The following SLC66A2 variants were observed in gnomAD, a reference collection of about 807,000 sequenced individuals.
SLC66A2 encodes the protein solute carrier family 66 member 2, also known as PQ loop repeat containing 1.
A neutral mutation model predicts 25.5 loss-of-function variants in SLC66A2; 23 were observed. The ratio of observed to expected loss-of-function variants is 0.90; its 90% CI spans 0.65 to 1.28. SLC66A2 has a LOEUF of 1.28. SLC66A2 is among the 50% of genes most tolerant of loss of function. The probability of loss-of-function intolerance (pLI) is 0.00; values close to 1 mark genes in which losing one functional copy is unlikely to be tolerated. For synonymous variants in SLC66A2, 193 were observed against 166.5 expected (o/e 1.16, Z -1.23); for missense variants, 396 against 373.1 (o/e 1.06, Z -0.51).
At chr18:79,943,225 A>G in intron 3 of SLC66A2, 104 bp downstream of exon 3, 3 of 1,410,166 alleles carry the variant, frequency 2.1e-6, no homozygotes, top group Non-Finnish European at 2.9e-6. Context: ...ACTTGGTGAA[A>G]TGAAAGCTGC....
chr18:79,950,823 G>C lies in SLC66A2; in HGVS notation c.104C>G (p.Pro35Arg), dbSNP rs114092865. The stretch of plus-strand genomic sequence containing the variant: ...CGTCCTGCGAATGTCCCGATACTGC[G>C]GGACGTAGGGCACCACCCCTCCGAA... ...MVFGGVVPYV[P>R]QYRDIRRTQN... is the part of the protein sequence containing the mutation. Residue 35 changes from proline to arginine, a missense_variant, in exon 2 of 6, where the codon CCG becomes CGG. Coordinates refer to ENST00000397778, the MANE Select transcript of SLC66A2 (RefSeq NM_025078.5). 3.7e-6 allele frequency: 6 copies of C among 1,612,740 alleles called. No individual in the cohort carries two copies. In the South Asian group the frequency reaches 4.4e-5, roughly 12 times the overall value.
At position 79,904,007 on chromosome 18, in the gene SLC66A2, G is replaced by C; in HGVS notation, c.785C>G (p.Ala262Gly). 3.7e-6 allele frequency: 6 copies of C among 1,605,606 alleles called. No individual in the cohort carries two copies. Among genetic ancestry groups the C allele is most frequent in the Non-Finnish European group, 5.1e-6 (6 of 1,177,112 alleles). ...ARHPQKPAPH[A>G]VHPTGTKAL ...GGCCTTGGTGCCAGTGGGGTGCACG[G>C]CGTGGGGCGCCGGCTTCTGGGGGTG... The change falls in exon 6 of 6, where the codon GCC becomes GGC. Residue 262 changes from alanine (A) to glycine (G), a missense_variant. Ala to Gly is a moderately conservative substitution (Grantham distance 60, BLOSUM62 0). Coordinates refer to ENST00000397778, the MANE Select transcript of SLC66A2 (RefSeq NM_025078.5). This position sits in a 1 kb window ranked among gnomAD's most constrained non-coding sequence, Gnocchi z 6.3.
chr18:79,925,324 C>T (rs117668325), intron 4 of SLC66A2, among the ~76,000 whole-genome samples: 3,302 of 152,270 alleles, frequency 0.022, 57 homozygotes, highest in Middle Eastern at 0.051. Context: ...AGGGCAAGAA[C>T]GCAATTAGGA....
intron 1 of SLC66A2, 90 bp from the exon 2 acceptor site, chr18:79,951,115 C>G: frequency 3.1e-6 from 1 of 319,114 alleles, no homozygotes; most frequent in African/African-American, 2.2e-5. Context: ...GCCGCAGGAC[C>G]CGAGGCAGAG....
chr18:79,938,090 G>C (rs1213578395), intron 3 of SLC66A2, among the ~76,000 whole-genome samples: 1 of 150,876 alleles, frequency 6.6e-6, no homozygotes, highest in African/African-American at 2.4e-5. Context: ...AGGTGATAAT[G>C]AGCTTTGATA....
At chr18:79,911,958 G>A (rs1379282569) in intron 5 of SLC66A2, among the ~76,000 whole-genome samples, 3 of 134,280 alleles carry the variant, frequency 2.2e-5, no homozygotes, top group Non-Finnish European at 3.2e-5. Context: ...GGGGACGGGA[G>A]CAGAGGGGAC....
At chr18:79,921,989 A>C (rs1219172458) in intron 4 of SLC66A2, among the ~76,000 whole-genome samples, 1 of 151,832 alleles carries the variant, frequency 6.6e-6, no homozygotes, top group Non-Finnish European at 1.5e-5. Context: ...GGGAGAGGGC[A>C]GGGTCAGAGG....
At chr18:79,924,698 C>T (rs190742343) in intron 4 of SLC66A2, among the ~76,000 whole-genome samples, 7 of 152,290 alleles carry the variant, frequency 4.6e-5, no homozygotes, top group African/African-American at 1.7e-4. Flanking sequence ...CCAAAAGATG[C>T]AGACATATCT....
chr18:79,943,300 G>A (rs375464237), intron 3 of SLC66A2, 29 bp downstream of exon 3: 47 of 1,610,956 alleles, frequency 2.9e-5, no homozygotes, highest in African/African-American at 5.3e-5. Context: ...GATTCCCTGC[G>A]ACTTTATTCC....
intron 4 of SLC66A2, among the ~76,000 whole-genome samples, chr18:79,925,277 G>C (rs542642320): frequency 6.6e-6 from 1 of 152,302 alleles, no homozygotes; most frequent in Admixed American, 6.5e-5. Flanking sequence ...AGGGCAGGTG[G>C]CTGTGGGAGA....
chr18:79,917,394 G>A lies in SLC66A2; in HGVS notation c.608+1790C>T, dbSNP rs533672022. Reference sequence around the variant, plus strand: ...GCTCCTTGTGAGGGGCCAGGAGGCCGGCATGTGGGGTCCGGATCCGCTAGA... The same window carrying A: ...GCTCCTTGTGAGGGGCCAGGAGGCCAGCATGTGGGGTCCGGATCCGCTAGA... On this transcript the variant is annotated intron_variant, in intron 5 of 5. Coordinates refer to ENST00000397778, the MANE Select transcript of SLC66A2 (RefSeq NM_025078.5). This position sits in a 1 kb window ranked among gnomAD's most constrained non-coding sequence, Gnocchi z 6.0. Among the ~76,000 whole-genome samples, 150 of 152,306 alleles carry A rather than the reference G, an allele frequency of 9.8e-4. No individual in the cohort carries two copies. Among genetic ancestry groups the A allele is most frequent in the African/African-American group, 3.3e-3 (138 of 41,576 alleles).
intron 2 of SLC66A2, among the ~76,000 whole-genome samples, chr18:79,947,019 G>A (rs2050948564): frequency 6.6e-6 from 1 of 152,058 alleles, no homozygotes; most frequent in Non-Finnish European, 1.5e-5. Context: ...TCTACTCTTA[G>A]GCACCACTAA....
chr18:79,908,518 T>C (rs2123198542), intron 5 of SLC66A2, among the ~76,000 whole-genome samples: 1 of 152,342 alleles, frequency 6.6e-6, no homozygotes, highest in South Asian at 2.1e-4. Flanking sequence ...GTGATATGTT[T>C]GGGATTCACT....
In SLC66A2 at chr18:79,907,212, A is replaced by AT. The variant is rs1450822474; in HGVS notation, c.609-3030dup. Among the ~76,000 whole-genome samples, 5 of 150,786 alleles carry AT rather than the reference A, an allele frequency of 3.3e-5. No individual in the cohort carries two copies. In the East Asian group the frequency reaches 5.8e-4, roughly 18 times the overall value. ...GTTTGAATTTAGATCGACCATTTTA[A>AT]TTTTTTTTGGTCTCAGCTTGTCCCT... On this transcript the variant is annotated intron_variant, in intron 5 of 5. Coordinates refer to ENST00000397778, the MANE Select transcript of SLC66A2 (RefSeq NM_025078.5).
At chr18:79,950,697 G>A (rs1210213255) in intron 2 of SLC66A2, 27 bp downstream of exon 2, 1 of 1,609,944 alleles carries the variant, frequency 6.2e-7, no homozygotes, top group Admixed American at 1.7e-5. Flanking sequence ...TCCGGGTGCA[G>A]CCCAGGAAAG....
chr18:79,950,619 A>T, intron 2 of SLC66A2, 105 bp downstream of exon 2: 1 of 1,091,044 alleles, frequency 9.2e-7, no homozygotes, highest in Middle Eastern at 2.0e-4. Flanking sequence ...ACGCTGGCCC[A>T]GCAGGGAGGT....
chr18:79,947,077 T>C (rs1385605128), intron 2 of SLC66A2, among the ~76,000 whole-genome samples: 1 of 152,192 alleles, frequency 6.6e-6, no homozygotes, highest in Non-Finnish European at 1.5e-5. Context: ...TGATACAATG[T>C]TTTCATTCCT....
chr18:79,928,755 T>G (rs1404802141), intron 4 of SLC66A2, among the ~76,000 whole-genome samples: 1 of 151,002 alleles, frequency 6.6e-6, no homozygotes, highest in Non-Finnish European at 1.5e-5. Context: ...GCACCCGAGC[T>G]CTTCATCGCC....
rs1378297489 is a variant in SLC66A2 at position 79,937,655 on chromosome 18, G to A, written c.338-3633C>T. Among the ~76,000 whole-genome samples, 9 of 152,162 alleles carry A rather than the reference G, an allele frequency of 5.9e-5. No individual in the cohort carries two copies. In the South Asian group the frequency reaches 1.4e-3, roughly 24 times the overall value. On this transcript the variant is annotated intron_variant, in intron 3 of 5. Transcript: ENST00000397778. This position sits in a 1 kb window ranked among gnomAD's most constrained non-coding sequence, Gnocchi z 5.4. ...GCCCCACAGTGGCCGCTGACCACAC[G>A]CACCTCCGACGGAACGACGCAACCA...
Sources: allele counts gnomAD v4.1 joint callset (sites outside exome capture counted in the v4.1 genomes callset), GRCh38; gene constraint gnomAD v4.1.1; non-coding constraint Gnocchi (gnomAD v3.1); transcripts MANE v1.5; gene names NCBI Gene and HGNC (gene_info 2026-07-23, HGNC 2026-07-21).